The following UBQLN4 variants were observed in gnomAD, a reference collection of about 807,000 sequenced individuals.
UBQLN4 encodes ubiquilin 4, also known as ubiquilin-4.
In UBQLN4, 11 loss-of-function variants were observed where a neutral mutation model predicts 60.4. The ratio of observed to expected loss-of-function variants is 0.18; its 90% CI spans 0.11 to 0.30. UBQLN4 has a LOEUF of 0.30. Ranked by LOEUF, UBQLN4 falls within the 10% of genes least tolerant of loss-of-function variation. The pLI is 1.00. For missense variants in UBQLN4, 417 were observed against 795.5 expected (o/e 0.52, Z 5.72); for synonymous variants, 258 against 313.1 (o/e 0.82, Z 1.86).
In UBQLN4 at chr1:156,035,746, G is replaced by T. The variant is rs1683382045; in HGVS notation, c.*1232C>A. On this transcript the variant is annotated 3_prime_UTR_variant, in exon 11 of 11. Coordinates refer to ENST00000368309, the MANE Select transcript of UBQLN4 (RefSeq NM_020131.5). ...AGAAAGGGTACCCACATTACCTCTG[G>T]GTTACCCAGCATCCAGAGCCCCAAG... The T allele has an allele frequency of 3.5e-5, 34 of 985,306 alleles. No homozygotes were observed. The highest frequency in any genetic ancestry group is 4.0e-5 in the Non-Finnish European group (33 of 829,952). 61.0% of individuals were successfully genotyped at this position (985,306 alleles called of 1,614,324 possible).
chr1:156,053,772 G>C lies in UBQLN4; in HGVS notation c.-71C>G, dbSNP rs1311790289. ...TCCTCCCCGCCCGCCCGGCCGGCCC[G>C]GCTCGGCTTCTGCGCCTCCAACACT... On this transcript the variant is annotated 5_prime_UTR_variant, in exon 1 of 11. Transcript: ENST00000368309. The C allele has an allele frequency of 2.0e-5, 20 of 1,023,622 alleles. No homozygotes were observed. In the African/African-American group the frequency reaches 2.1e-4, roughly 11 times the overall value. 63.4% of individuals were successfully genotyped at this position (1,023,622 alleles called of 1,614,324 possible).
chr1:156,032,386 C>G (rs1009450757), downstream of UBQLN4, among the ~76,000 whole-genome samples: 1 of 151,220 alleles, frequency 6.6e-6, no homozygotes, highest in African/African-American at 2.4e-5. Context: ...TGGCTCACGC[C>G]TGTAATCCCA....
Position 156,041,183 on chromosome 1 carries a change from A to G in UBQLN4, c.1653+302T>C, listed in dbSNP as rs553740579. Among the ~76,000 whole-genome samples the G allele has an allele frequency of 3.3e-5, 5 of 152,308 alleles. No individual in the cohort carries two copies. In the East Asian group the frequency reaches 9.6e-4, roughly 29 times the overall value. The stretch of plus-strand genomic sequence containing the variant: ...CCCCATCTTTAACACAGAAATAATA[A>G]TAATAGCTTTCTCATGAGGCTATTG... On this transcript the variant is annotated intron_variant, in intron 10 of 10. Coordinates refer to ENST00000368309, the MANE Select transcript of UBQLN4 (RefSeq NM_020131.5).
In UBQLN4 at chr1:156,048,747, TATCAGG is replaced by T. The variant is rs1683784356; in HGVS notation, c.742-94_742-89del. The T allele has an allele frequency of 2.7e-6, 4 of 1,460,572 alleles. No homozygotes were observed. Among genetic ancestry groups the T allele is most frequent in the Non-Finnish European group, 3.7e-6 (4 of 1,071,552 alleles). 90.5% of individuals were successfully genotyped at this position (1,460,572 alleles called of 1,614,324 possible). A position where few individuals can be genotyped will look rare whatever the true frequency, so the allele number is the denominator to read the frequency against. On this transcript the variant is annotated intron_variant, in intron 4 of 10. Transcript: ENST00000368309. This position sits in a 1 kb window ranked among gnomAD's most constrained non-coding sequence, Gnocchi z 4.9. ...GTGGGCCTTGAGGAAGGGGGGTCTG[TATCAGG>T]ATCAGGACCAGGGCCCAGGAACTGC...
At chr1:156,045,987 A>G (rs1471827153) in intron 5 of UBQLN4, among the ~76,000 whole-genome samples, 1 of 151,818 alleles carries the variant, frequency 6.6e-6, no homozygotes, top group East Asian at 2.0e-4. Context: ...CTGGGATGAC[A>G]GGCACCCACC....
chr1:156,046,466 C>T (rs1327469481), intron 5 of UBQLN4, among the ~76,000 whole-genome samples: 1 of 151,346 alleles, frequency 6.6e-6, no homozygotes, highest in Non-Finnish European at 1.5e-5. Flanking sequence ...CCATTGCACT[C>T]CAGCCTGGGC....
chr1:156,033,640 C>T (rs999270434), downstream of UBQLN4, among the ~76,000 whole-genome samples: 9 of 152,030 alleles, frequency 5.9e-5, no homozygotes, highest in African/African-American at 2.2e-4. Flanking sequence ...GTCAGAAGTT[C>T]GAGACCAGCC....
chr1:156,047,720 C>T (rs1683748085), intron 5 of UBQLN4, among the ~76,000 whole-genome samples: 1 of 149,176 alleles, frequency 6.7e-6, no homozygotes, highest in African/African-American at 2.5e-5. Flanking sequence ...ATGGTGAAAC[C>T]CCATCTCTAC....
downstream of UBQLN4, among the ~76,000 whole-genome samples, chr1:156,031,577 C>CTT (rs58222507): frequency 2.0e-4 from 25 of 122,726 alleles, no homozygotes; most frequent in Non-Finnish European, 2.6e-4. Flanking sequence ...GGAACTTCTT[C>CTT]TTTTTTTTTT....
Position 156,036,308 on chromosome 1 carries a change from A to T in UBQLN4, c.*670T>A, listed in dbSNP as rs1269350857. On this transcript the variant is annotated 3_prime_UTR_variant, in exon 11 of 11. Coordinates refer to ENST00000368309, the MANE Select transcript of UBQLN4 (RefSeq NM_020131.5). ...TCTCATTCCCTCCTCTTTCACACGA[A>T]TTTCCTCTGGGCTGCTCCAGCGTTT... 1.0e-6 allele frequency: 1 copy of T among 985,362 alleles called. No individual in the cohort carries two copies. Among genetic ancestry groups the T allele is most frequent in the Non-Finnish European group, 1.2e-6 (1 of 829,964 alleles). 61.0% of individuals were successfully genotyped at this position (985,362 alleles called of 1,614,324 possible).
At chr1:156,033,259 G>A (rs901391454), downstream of UBQLN4, 3 of 985,482 alleles carry the variant, frequency 3.0e-6, no homozygotes, top group Non-Finnish European at 3.6e-6. Context: ...AGATCTCCAC[G>A]GGGCTCCAAG....
chr1:156,047,749 G>C (rs1683750361), intron 5 of UBQLN4, among the ~76,000 whole-genome samples: 1 of 151,150 alleles, frequency 6.6e-6, no homozygotes, highest in Non-Finnish European at 1.5e-5. Flanking sequence ...TAAAAAGTTA[G>C]CCGGGCGTGG....
At chr1:156,051,089 C>T in intron 3 of UBQLN4, 21 bp downstream of exon 3, 4 of 1,608,980 alleles carry the variant, frequency 2.5e-6, no homozygotes, top group Non-Finnish European at 2.6e-6. Flanking sequence ...CAAGATTGTG[C>T]TCTCCTCTCT....
rs762666842 is a variant in UBQLN4, at chr1:156,041,861, C to T, written c.1466+11G>A. The T allele has an allele frequency of 1.3e-5, 21 of 1,605,408 alleles. No homozygotes were observed. The highest frequency in any genetic ancestry group is 1.6e-5 in the Non-Finnish European group (19 of 1,177,222). On this transcript the variant is annotated intron_variant, in intron 9 of 10. Transcript: ENST00000368309. ...TAGAACCTTGCTGCCCTCCTGCCCCCCTACCCTCACCTGGGTACCAGCCCA... is the reference window on the plus strand; with the variant it reads ...TAGAACCTTGCTGCCCTCCTGCCCCTCTACCCTCACCTGGGTACCAGCCCA...
At chr1:156,033,199 G>T (rs1041970498), downstream of UBQLN4, 9 of 985,272 alleles carry the variant, frequency 9.1e-6, no homozygotes, top group South Asian at 3.3e-4. Context: ...GCAAGGAGGA[G>T]CCCGGGTGAG....
At chr1:156,032,283 T>A (rs182226043), downstream of UBQLN4, among the ~76,000 whole-genome samples, 287 of 151,282 alleles carry the variant, frequency 1.9e-3, no homozygotes, top group Non-Finnish European at 3.2e-3. Flanking sequence ...ATTACAGGCG[T>A]GAGCCACCGC....
rs918131947 is a variant in UBQLN4 at position 156,037,251 on chromosome 1, G to C, written c.1654-121C>G. 3.3e-5 allele frequency: 43 copies of C among 1,290,884 alleles called. No homozygotes were observed. The African/African-American group carries it at 4.9e-4, about 15-fold the overall frequency. The allele number at this position is 1,290,884 out of a possible 1,614,324, so 80.0% of individuals were successfully genotyped here. A position where few individuals can be genotyped will look rare whatever the true frequency, so the allele number is the denominator to read the frequency against. ...TCCTCAGAGTCAATCAGGAGGGCAGGGAAGATGAGCTGCAAATGGGGGCCC... is the reference window on the plus strand; with the variant it reads ...TCCTCAGAGTCAATCAGGAGGGCAGCGAAGATGAGCTGCAAATGGGGGCCC... On this transcript the variant is annotated intron_variant, in intron 10 of 10. Coordinates refer to ENST00000368309, the MANE Select transcript of UBQLN4 (RefSeq NM_020131.5).
rs572943599 is a variant in UBQLN4, at chr1:156,037,591, G to A, written c.1654-461C>T. 2.6e-5 allele frequency among the ~76,000 whole-genome samples: 4 copies of A among 152,240 alleles called. No individual in the cohort carries two copies. The South Asian group carries it at 6.2e-4, about 24-fold the overall frequency. ...AGCCTGGGCAACAGAGCGAGACTCT[G>A]TCTCAAAAAACAAAAACAAAAAAAC... On this transcript the variant is annotated intron_variant, in intron 10 of 10. Coordinates refer to ENST00000368309, the MANE Select transcript of UBQLN4 (RefSeq NM_020131.5).
At position 156,044,094 on chromosome 1, in the gene UBQLN4, C is replaced by G. The variant is rs747277099; in HGVS notation, c.1030G>C (p.Gly344Arg). 97 of 1,592,120 alleles carry G rather than the reference C, an allele frequency of 6.1e-5. No individual in the cohort carries two copies. The highest frequency in any genetic ancestry group is 8.0e-5 in the Non-Finnish European group (94 of 1,169,298). The part of the protein sequence containing the change: ...SPSPPTSQAP[G>R]SGGEGTGGSG... ...CCTCCGGTGCCCTCCCCACCGGACC[C>G]GGGGGCCTGGGAGGTGGGGGGCGAG... The change falls in exon 6 of 11, where the codon GGG (glycine) becomes CGG (arginine). Residue 344 changes from glycine to arginine, a missense_variant. Transcript: ENST00000368309.
Sources: allele counts gnomAD v4.1 joint callset (sites outside exome capture counted in the v4.1 genomes callset), GRCh38; gene constraint gnomAD v4.1.1; non-coding constraint Gnocchi (gnomAD v3.1); transcripts MANE v1.5; gene names NCBI Gene and HGNC (gene_info 2026-07-23, HGNC 2026-07-21).